Variants in MCPH1 observed in about 807,000 individuals in gnomAD.
The protein encoded by MCPH1 is microcephalin 1.
MCPH1 carries 104 observed loss-of-function variants against 84.5 expected under a neutral mutation model. The ratio of observed to expected loss-of-function variants is 1.23; its 90% CI spans 1.05 to 1.45. The LOEUF (loss-of-function observed/expected upper bound fraction) is 1.45, where lower values mean the gene tolerates loss of function less well. MCPH1 is among the 40% of genes most tolerant of loss of function. MCPH1 has a pLI of 0.00. For synonymous variants in MCPH1, 514 were observed against 366.8 expected (o/e 1.40, Z -4.58); for missense variants, 1,498 against 1,005.7 (o/e 1.49, Z -6.62).
Position 6,643,825 on chromosome 8 carries a change from CTGAG to C in MCPH1, c.*779_*782del, listed in dbSNP as rs1798082496. 6.6e-6 allele frequency: 1 copy of C among 152,206 alleles called. No homozygotes were observed. Among genetic ancestry groups the C allele is most frequent in the African/African-American group, 2.4e-5 (1 of 41,426 alleles). 9.4% of individuals were successfully genotyped at this position (152,206 alleles called of 1,614,324 possible). ...TGTTATACAGGATAATTGGTGACAT[CTGAG>C]TGTCTTACTTCTGCAAGCCTGCTTT... On this transcript the variant is annotated 3_prime_UTR_variant, in exon 14 of 14. Coordinates refer to ENST00000344683, the MANE Select transcript of MCPH1 (RefSeq NM_024596.5).
At chr8:6,413,533 G>A (rs1432241560) in intron 2 of MCPH1, among the ~76,000 whole-genome samples, 3 of 151,722 alleles carry the variant, frequency 2.0e-5, no homozygotes, top group East Asian at 3.9e-4. Flanking sequence ...TTGATTGGCT[G>A]TTGGATCTCC....
chr8:6,413,625 A>T (rs2120480), intron 2 of MCPH1, among the ~76,000 whole-genome samples: 147,731 of 151,898 alleles, frequency 0.97, 71,968 homozygotes, highest in East Asian at 1. Flanking sequence ...AGTGAGCTTT[A>T]CTCAACTTCA....
intron 9 of MCPH1, among the ~76,000 whole-genome samples, chr8:6,474,920 C>G (rs962975999): frequency 6.6e-6 from 1 of 152,196 alleles, no homozygotes; most frequent in Non-Finnish European, 1.5e-5. Flanking sequence ...CAACTAGTCT[C>G]ATTTGCCAAA....
At chr8:6,511,090 T>TTAGTTC (rs1182928994) in intron 12 of MCPH1, among the ~76,000 whole-genome samples, 3 of 152,250 alleles carry the variant, frequency 2.0e-5, no homozygotes, top group Admixed American at 2.0e-4. Context: ...TTGAACATGT[T>TTAGTTC]TAGTTCTCAT....
chr8:6,510,366 G>T (rs952025682), intron 12 of MCPH1, among the ~76,000 whole-genome samples: 3 of 152,166 alleles, frequency 2.0e-5, no homozygotes, highest in East Asian at 3.9e-4. Flanking sequence ...ATGGTGGCAG[G>T]AGAAGTGTAC....
intron 12 of MCPH1, among the ~76,000 whole-genome samples, chr8:6,568,003 C>T (rs1179277886): frequency 2.0e-5 from 3 of 152,136 alleles, no homozygotes; most frequent in South Asian, 2.1e-4. Flanking sequence ...TATTCTGTGT[C>T]GGCAACTGAC....
intron 12 of MCPH1, among the ~76,000 whole-genome samples, chr8:6,523,947 T>C (rs1296874508): frequency 1.3e-5 from 2 of 152,050 alleles, no homozygotes; most frequent in Non-Finnish European, 2.9e-5. Context: ...GACACTACAT[T>C]ATTCAGCACC....
chr8:6,576,306 T>C (rs963461961), intron 12 of MCPH1, among the ~76,000 whole-genome samples: 4 of 152,168 alleles, frequency 2.6e-5, no homozygotes, highest in Non-Finnish European at 4.4e-5. Context: ...AAGAGCCTGT[T>C]TCTCTGCAGG....
chr8:6,618,681 A>G (rs937342344), intron 12 of MCPH1: 3 of 152,196 alleles, frequency 2.0e-5, no homozygotes, highest in African/African-American at 7.2e-5. Context: ...TGAACAAGCT[A>G]TTTCCAAAAA....
chr8:6,467,565 G>C lies in MCPH1; in HGVS notation c.1936-10029G>C, dbSNP rs967354272. On this transcript the variant is annotated intron_variant, in intron 9 of 13. Transcript: ENST00000344683. ...TGGATAGGAAAGTAGGAATGAAACAGTTTACAGGGTTGAAGTTGTGGTATA... is the reference window on the plus strand; with the variant it reads ...TGGATAGGAAAGTAGGAATGAAACACTTTACAGGGTTGAAGTTGTGGTATA... Among the ~76,000 whole-genome samples the C allele has an allele frequency of 1.3e-5, 2 of 152,106 alleles. 1 individual carries two copies. Among genetic ancestry groups the C allele is most frequent in the African/African-American group, 4.8e-5 (2 of 41,422 alleles).
At chr8:6,450,745 T>A (rs1323918257) in intron 8 of MCPH1, among the ~76,000 whole-genome samples, 3 of 151,990 alleles carry the variant, frequency 2.0e-5, no homozygotes, top group African/African-American at 7.3e-5. Context: ...TTGGGGTTTT[T>A]TGTTGTTGTT....
chr8:6,631,208 T>C (rs1289620078), intron 13 of MCPH1, among the ~76,000 whole-genome samples: 1 of 152,156 alleles, frequency 6.6e-6, no homozygotes, highest in Non-Finnish European at 1.5e-5. Context: ...TCTAGCTGAT[T>C]CATACCTGAA....
chr8:6,526,032 T>A (rs1818260531), intron 12 of MCPH1, among the ~76,000 whole-genome samples: 1 of 152,132 alleles, frequency 6.6e-6, no homozygotes, highest in Admixed American at 6.6e-5. Flanking sequence ...CGGACATCAT[T>A]GTATAACAGG....
chr8:6,479,321 G>A, intron 10 of MCPH1, among the ~76,000 whole-genome samples: 1 of 151,864 alleles, frequency 6.6e-6, no homozygotes, highest in East Asian at 1.9e-4. Flanking sequence ...GAGTGTTAGA[G>A]GCAGTCTGTA....
chr8:6,407,779 G>C (rs185082683), intron 1 of MCPH1, among the ~76,000 whole-genome samples: 1 of 152,156 alleles, frequency 6.6e-6, no homozygotes, highest in African/African-American at 2.4e-5. Context: ...ATATCCACTA[G>C]AACAGGGGTC....
intron 6 of MCPH1, 33 bp downstream of exon 6, chr8:6,439,129 C>A (rs1459425522): frequency 3.1e-6 from 5 of 1,597,568 alleles, no homozygotes; most frequent in Admixed American, 3.4e-5. Flanking sequence ...GAAAATTATG[C>A]AAATAGCCGA....
intron 12 of MCPH1, among the ~76,000 whole-genome samples, chr8:6,575,194 C>T (rs1250249240): frequency 1.3e-5 from 2 of 152,196 alleles, no homozygotes; most frequent in Non-Finnish European, 2.9e-5. Context: ...AGCAGGAAGA[C>T]CTATTTTCCT....
At chr8:6,583,617 G>A (rs928586750) in intron 12 of MCPH1, among the ~76,000 whole-genome samples, 6 of 152,192 alleles carry the variant, frequency 3.9e-5, no homozygotes, top group African/African-American at 1.2e-4. Flanking sequence ...ACCCCTGAGT[G>A]CCCAAGGGAG....
At chr8:6,473,078 C>G (rs1037016734) in intron 9 of MCPH1, among the ~76,000 whole-genome samples, 1 of 151,986 alleles carries the variant, frequency 6.6e-6, no homozygotes, top group African/African-American at 2.4e-5. Flanking sequence ...GAATCTAAGC[C>G]AATTATACAG....
Sources: allele counts gnomAD v4.1 joint callset (sites outside exome capture counted in the v4.1 genomes callset), GRCh38; gene constraint gnomAD v4.1.1; transcripts MANE v1.5; gene names NCBI Gene and HGNC (gene_info 2026-07-23, HGNC 2026-07-21).